Variants in SYT16 observed in about 807,000 individuals in gnomAD.
SYT16 encodes synaptotagmin-16.
Under a neutral mutation model 61.4 loss-of-function variants are expected in SYT16, and 42 were observed. That is an observed-to-expected ratio of 0.68 (90% CI 0.53 to 0.89). The LOEUF (loss-of-function observed/expected upper bound fraction) is 0.89. SYT16 is among the 40% of genes least tolerant of loss of function. The pLI, the probability that SYT16 is intolerant of heterozygous loss-of-function variation, is 0.00. For synonymous variants in SYT16, 314 were observed against 302.3 expected, an observed-to-expected ratio of 1.04 and a Z score of -0.40; for missense variants, 804 against 807.3, an observed-to-expected ratio of 1.00 and a Z score of 0.05.
intron 2 of SYT16, among the ~76,000 whole-genome samples, chr14:61,976,196 C>A (rs2051788923): frequency 6.6e-6 from 1 of 152,202 alleles, no homozygotes; most frequent in Admixed American, 6.5e-5. Context: ...TGGTCTTTGG[C>A]AGCTCCATTC....
At chr14:61,914,296 G>A (rs942206665) in intron 1 of SYT16, among the ~76,000 whole-genome samples, 1 of 152,102 alleles carries the variant, frequency 6.6e-6, no homozygotes, top group African/African-American at 2.4e-5. Flanking sequence ...CACAGATGAC[G>A]CACTATTTTT....
intron 5 of SYT16, among the ~76,000 whole-genome samples, chr14:62,075,679 T>C (rs1595357856): frequency 1.1e-5 from 1 of 87,332 alleles, no homozygotes; most frequent in Non-Finnish European, 2.6e-5. Context: ...GCCAGGCTTT[T>C]CTTTTATATA....
At chr14:61,860,992 G>A (rs931382771) in intron 1 of SYT16, among the ~76,000 whole-genome samples, 12 of 152,256 alleles carry the variant, frequency 7.9e-5, no homozygotes, top group South Asian at 4.2e-4. Flanking sequence ...AGGCAGTGAC[G>A]AAAGTGGTAG....
chr14:61,975,794 A>T (rs1353389035), intron 2 of SYT16, among the ~76,000 whole-genome samples: 1 of 152,186 alleles, frequency 6.6e-6, no homozygotes, highest in Non-Finnish European at 1.5e-5. Flanking sequence ...AAGCCTAACC[A>T]TATTATTCTG....
chr14:61,905,559 C>T (rs1285562983), intron 1 of SYT16, among the ~76,000 whole-genome samples: 1 of 152,120 alleles, frequency 6.6e-6, no homozygotes, highest in East Asian at 1.9e-4. Flanking sequence ...GCTTCCAAAC[C>T]CAGCCTATGG....
At chr14:61,883,939 CACTA>C (rs1483124199) in intron 1 of SYT16, among the ~76,000 whole-genome samples, 7 of 152,174 alleles carry the variant, frequency 4.6e-5, no homozygotes, top group African/African-American at 9.7e-5. Flanking sequence ...TTTTGAGACT[CACTA>C]ACTATCATGA....
intron 1 of SYT16, among the ~76,000 whole-genome samples, chr14:61,918,142 C>A (rs931623522): frequency 1.3e-5 from 2 of 152,110 alleles, no homozygotes; most frequent in African/African-American, 4.8e-5. Flanking sequence ...GTAACCAAAG[C>A]TTTGGCAGGA....
At chr14:61,886,355 T>C (rs975316023) in intron 1 of SYT16, among the ~76,000 whole-genome samples, 2 of 152,238 alleles carry the variant, frequency 1.3e-5, no homozygotes, top group African/African-American at 4.8e-5. Flanking sequence ...TAGCATGTGA[T>C]GCTGTTTGAT....
intron 7 of SYT16, among the ~76,000 whole-genome samples, chr14:62,099,597 G>A (rs545661221): frequency 6.6e-6 from 1 of 152,268 alleles, no homozygotes; most frequent in South Asian, 2.1e-4. Flanking sequence ...TCGAGTTTGG[G>A]AGAGAAGTTG....
intron 1 of SYT16, among the ~76,000 whole-genome samples, chr14:61,911,181 A>C (rs995799600): frequency 6.6e-6 from 1 of 152,184 alleles, no homozygotes; most frequent in Non-Finnish European, 1.5e-5. Context: ...TAGGATTCCA[A>C]CTAGGTAACT....
rs1416174886 is a variant in SYT16 at position 61,870,961 on chromosome 14, G to T, written c.-325+58151G>T. Among the ~76,000 whole-genome samples, 4 of 151,960 alleles carry T rather than the reference G, an allele frequency of 2.6e-5. No homozygotes were observed. In the East Asian group the frequency reaches 7.7e-4, roughly 29 times the overall value. ...CACTCCCCATTTTTCTTTTTTGCCT[G>T]CCTGGTAATTTTTGGTTGGATGTTA... On this transcript the variant is annotated intron_variant, in intron 1 of 7. Coordinates refer to ENST00000683842, the MANE Select transcript of SYT16 (RefSeq NM_001367656.1).
At chr14:62,016,586 G>A (rs1180290294) in intron 3 of SYT16, among the ~76,000 whole-genome samples, 1 of 151,058 alleles carries the variant, frequency 6.6e-6, no homozygotes, top group Non-Finnish European at 1.5e-5. Context: ...GGTGGCGGGT[G>A]CCTGTAGTCC....
chr14:61,900,003 C>T (rs1289202505), intron 1 of SYT16, among the ~76,000 whole-genome samples: 1 of 152,136 alleles, frequency 6.6e-6, no homozygotes, highest in African/African-American at 2.4e-5. Flanking sequence ...TCTGTTATCA[C>T]ATATCACACA....
chr14:61,836,905 A>C (rs1023936094), intron 1 of SYT16, among the ~76,000 whole-genome samples: 2 of 152,260 alleles, frequency 1.3e-5, no homozygotes, highest in African/African-American at 4.8e-5. Flanking sequence ...TCATGATTTC[A>C]TGCAAATTTT....
intron 1 of SYT16, among the ~76,000 whole-genome samples, chr14:61,958,707 GAGA>G (rs537693523): frequency 2.8e-4 from 43 of 152,132 alleles, no homozygotes; most frequent in African/African-American, 9.9e-4. Context: ...GTGTGTAATT[GAGA>G]AGAATGATTA....
chr14:61,943,204 G>C (rs1488792588), intron 1 of SYT16, among the ~76,000 whole-genome samples: 1 of 152,110 alleles, frequency 6.6e-6, no homozygotes, highest in Non-Finnish European at 1.5e-5. Flanking sequence ...TCCCTGAATA[G>C]ACCAGTAACA....
At chr14:61,912,848 C>T (rs1297068560) in intron 1 of SYT16, among the ~76,000 whole-genome samples, 1 of 152,124 alleles carries the variant, frequency 6.6e-6, no homozygotes, top group Non-Finnish European at 1.5e-5. Flanking sequence ...TAGGAACAGA[C>T]AGAAACAGAA....
intron 3 of SYT16, among the ~76,000 whole-genome samples, chr14:61,996,942 G>A (rs547967859): frequency 1.1e-4 from 16 of 152,072 alleles, no homozygotes; most frequent in African/African-American, 3.6e-4. Context: ...CGTACTTATC[G>A]CAGAATTTTT....
intron 7 of SYT16, among the ~76,000 whole-genome samples, chr14:62,085,394 G>A (rs1361713258): frequency 2.0e-5 from 3 of 152,200 alleles, no homozygotes; most frequent in African/African-American, 7.2e-5. Context: ...TTTGAGTCAG[G>A]AAGGTAAACT....
Sources: allele counts gnomAD v4.1 joint callset (sites outside exome capture counted in the v4.1 genomes callset), GRCh38; gene constraint gnomAD v4.1.1; transcripts MANE v1.5; gene names NCBI Gene and HGNC (gene_info 2026-07-23, HGNC 2026-07-21).